Variants in PDE1C observed in about 807,000 individuals in gnomAD.
PDE1C encodes dual specificity calcium/calmodulin-dependent 3',5'-cyclic nucleotide phosphodiesterase 1C.
Under a neutral mutation model 93.1 loss-of-function variants are expected in PDE1C, and 62 were observed. The ratio of observed to expected loss-of-function variants is 0.67; its 90% CI spans 0.54 to 0.82. The LOEUF is 0.82. Among genes scored for constraint, PDE1C ranks in the 40% least tolerant of loss-of-function variants. The pLI, the probability that PDE1C is intolerant of heterozygous loss-of-function variation, is 0.00. For missense variants in PDE1C, 742 were observed against 884.6 expected (o/e 0.84, Z 2.04); for synonymous variants, 325 against 310.1 (o/e 1.05, Z -0.50).
At chr7:32,318,338 T>C (rs1445342324) in intron 1 of PDE1C, among the ~76,000 whole-genome samples, 3 of 152,040 alleles carry the variant, frequency 2.0e-5, no homozygotes, top group African/African-American at 7.2e-5. Flanking sequence ...TTCGAGGGGT[T>C]CCCTCCCTCT....
intron 14 of PDE1C, 129 bp downstream of exon 14, chr7:31,822,944 G>T: frequency 1.4e-6 from 1 of 738,342 alleles, no homozygotes; most frequent in South Asian, 2.1e-5. Flanking sequence ...TCAAAAGATG[G>T]TAGATTCTAA....
chr7:32,132,298 T>G (rs1161636046), intron 3 of PDE1C, among the ~76,000 whole-genome samples: 3 of 152,076 alleles, frequency 2.0e-5, no homozygotes, highest in Non-Finnish European at 4.4e-5. Context: ...GAAAAGACCC[T>G]TTTATAAGCA....
chr7:32,081,913 T>G (rs1424598287), intron 3 of PDE1C, among the ~76,000 whole-genome samples: 6 of 152,218 alleles, frequency 3.9e-5, no homozygotes, highest in Non-Finnish European at 2.9e-5. Context: ...AGCTCCGGTC[T>G]ACAGCTCCCA....
chr7:31,913,994 T>A (rs1028805094), intron 2 of PDE1C, among the ~76,000 whole-genome samples: 1 of 152,276 alleles, frequency 6.6e-6, no homozygotes, highest in Middle Eastern at 3.4e-3. Context: ...GCAATTATCC[T>A]CATTCCTGCT....
intron 8 of PDE1C, among the ~76,000 whole-genome samples, chr7:31,850,261 C>T (rs1293032510): frequency 4.6e-5 from 7 of 152,114 alleles, no homozygotes; most frequent in Admixed American, 4.6e-4. Flanking sequence ...TTAATGTCAA[C>T]AAAAACACTC....
intron 2 of PDE1C, among the ~76,000 whole-genome samples, chr7:31,930,352 C>T (rs1452416550): frequency 5.9e-5 from 9 of 152,106 alleles, no homozygotes; most frequent in Admixed American, 5.9e-4. Flanking sequence ...TGGTATTATT[C>T]CTTCTGAAAC....
chr7:31,864,959 A>G lies in PDE1C; in HGVS notation c.733T>C (p.Tyr245His), dbSNP rs1795111053. 1.2e-6 allele frequency: 2 copies of G among 1,613,972 alleles called. No homozygotes were observed. The highest frequency in any genetic ancestry group is 1.7e-6 in the Non-Finnish European group (2 of 1,179,874). ...DVTQTVHYLL[Y>H]KTGVANWLTE... ...CTACTTACCGCCACTCCTGTCTTATAGAGGAGGTAATGCACTGTCTGTGTA... is the reference window on the plus strand; with the variant it reads ...CTACTTACCGCCACTCCTGTCTTATGGAGGAGGTAATGCACTGTCTGTGTA... Residue 245 changes from tyrosine to histidine, a missense_variant, in exon 7 of 18, where the codon TAT becomes CAT. Coordinates refer to ENST00000396191, the MANE Select transcript of PDE1C (RefSeq NM_001191057.4).
At chr7:32,403,566 C>A (rs1212504237) in intron 1 of PDE1C, among the ~76,000 whole-genome samples, 5 of 152,182 alleles carry the variant, frequency 3.3e-5, no homozygotes, top group African/African-American at 1.2e-4. Flanking sequence ...TTCAAGGAGA[C>A]CTGCGGTGTG....
chr7:32,163,265 G>A (rs988449997), intron 3 of PDE1C, among the ~76,000 whole-genome samples: 1 of 152,104 alleles, frequency 6.6e-6, no homozygotes, highest in Non-Finnish European at 1.5e-5. Context: ...TCCAGGGGAC[G>A]CTACCCCACA....
intron 15 of PDE1C, among the ~76,000 whole-genome samples, chr7:31,814,538 A>T (rs892450996): frequency 6.6e-6 from 1 of 151,846 alleles, no homozygotes; most frequent in African/African-American, 2.4e-5. Flanking sequence ...TAAATGGTTA[A>T]TTATAAAAAT....
At chr7:31,705,971 T>A in the PDE1C span, among the ~76,000 whole-genome samples, 1 of 149,582 alleles carries the variant, frequency 6.7e-6, no homozygotes, top group Admixed American at 6.7e-5. Context: ...GACTTCTGAA[T>A]TTCACAGACC....
intron 3 of PDE1C, among the ~76,000 whole-genome samples, chr7:32,135,952 A>AT (rs1185183476): frequency 2.6e-5 from 4 of 152,226 alleles, no homozygotes; most frequent in Non-Finnish European, 5.9e-5. Context: ...GCCATTTGCA[A>AT]AGACATGATA....
intron 2 of PDE1C, among the ~76,000 whole-genome samples, chr7:31,949,852 C>T (rs191426158): frequency 2.0e-5 from 3 of 152,038 alleles, no homozygotes; most frequent in Admixed American, 6.5e-5. Flanking sequence ...ATGGAGCTCC[C>T]GAAAAAAGAA....
chr7:32,297,680 TC>T (rs1293730886), intron 1 of PDE1C, among the ~76,000 whole-genome samples: 2 of 151,978 alleles, frequency 1.3e-5, no homozygotes, highest in Non-Finnish European at 1.5e-5. Flanking sequence ...CCCCCTCTGG[TC>T]CCCCTCTTGG....
the PDE1C span, among the ~76,000 whole-genome samples, chr7:31,688,731 G>A: frequency 6.6e-6 from 1 of 152,310 alleles, no homozygotes; most frequent in South Asian, 2.1e-4. Context: ...TTAGTAAGAG[G>A]AAGTTACAAG....
chr7:31,844,843 C>G (rs1050484256), intron 9 of PDE1C, among the ~76,000 whole-genome samples: 15 of 152,134 alleles, frequency 9.9e-5, no homozygotes, highest in African/African-American at 3.4e-4. Context: ...GCTTTTTCCT[C>G]TTACTTTTTC....
chr7:31,942,953 T>C (rs2129002368), intron 2 of PDE1C, among the ~76,000 whole-genome samples: 1 of 152,278 alleles, frequency 6.6e-6, no homozygotes. Flanking sequence ...GAGAAGCAGG[T>C]GTCAATAACA....
At chr7:32,276,685 A>G (rs532687545) in intron 1 of PDE1C, among the ~76,000 whole-genome samples, 16 of 152,278 alleles carry the variant, frequency 1.1e-4, no homozygotes, top group African/African-American at 3.6e-4. Context: ...CATGGAAATA[A>G]TAATAATAAT....
At chr7:32,299,656 C>T (rs146100966), upstream of PDE1C, among the ~76,000 whole-genome samples, 54 of 152,344 alleles carry the variant, frequency 3.5e-4, no homozygotes, top group African/African-American at 1.2e-3. Flanking sequence ...AAAAGTGCTA[C>T]ACAAGGAAGT....
Sources: allele counts gnomAD v4.1 joint callset (sites outside exome capture counted in the v4.1 genomes callset), GRCh38; gene constraint gnomAD v4.1.1; transcripts MANE v1.5; gene names NCBI Gene and HGNC (gene_info 2026-07-23, HGNC 2026-07-21).